Variants in SNX30 observed in about 807,000 individuals in gnomAD.
SNX30 encodes sorting nexin family member 30, also known as sorting nexin-30.
A neutral mutation model predicts 46.4 loss-of-function variants in SNX30; 24 were observed. The ratio of observed to expected loss-of-function variants is 0.52; its 90% CI spans 0.37 to 0.73. The LOEUF is 0.73. Ranked by LOEUF, SNX30 falls within the 30% of genes least tolerant of loss-of-function variation. The pLI, the probability that SNX30 is intolerant of heterozygous loss-of-function variation, is 0.00. For missense variants in SNX30, 533 were observed against 555.7 expected (o/e 0.96, Z 0.41); for synonymous variants, 189 against 211.5 (o/e 0.89, Z 0.92).
chr9:112,755,342 G>A (rs1004554451), intron 1 of SNX30, among the ~76,000 whole-genome samples: 1 of 152,206 alleles, frequency 6.6e-6, no homozygotes, highest in Non-Finnish European at 1.5e-5. Context: ...CAGGGCTGGT[G>A]TGTCGGGGAG....
intron 8 of SNX30, among the ~76,000 whole-genome samples, chr9:112,867,483 C>A (rs1841379732): frequency 6.7e-6 from 1 of 148,932 alleles, no homozygotes; most frequent in Non-Finnish European, 1.5e-5. Flanking sequence ...CCTCAGTATT[C>A]CTCCTCCCTC....
At chr9:112,758,165 T>G (rs1247481434) in intron 1 of SNX30, among the ~76,000 whole-genome samples, 2 of 152,182 alleles carry the variant, frequency 1.3e-5, no homozygotes, top group Non-Finnish European at 2.9e-5. Flanking sequence ...TTCTGGCCCT[T>G]GTTCCAAGGA....
chr9:112,879,465 G>A, downstream of SNX30: 1 of 329,646 alleles, frequency 3.0e-6, no homozygotes, highest in Non-Finnish European at 5.7e-6. Flanking sequence ...CAGGGCCTGG[G>A]ACTGCTGTGT....
intron 1 of SNX30, among the ~76,000 whole-genome samples, chr9:112,795,750 A>G (rs1840095895): frequency 7.9e-6 from 1 of 126,562 alleles, no homozygotes; most frequent in Admixed American, 8.8e-5. Context: ...TCACACACAC[A>G]CACTCACAGT....
Position 112,751,037 on chromosome 9 carries a change from G to A in SNX30, c.36G>A (p.Thr12=). The A allele has an allele frequency of 6.9e-7, 1 of 1,451,858 alleles. No homozygotes were observed. The highest frequency in any genetic ancestry group is 1.3e-5 in the South Asian group (1 of 74,630). The allele number at this position is 1,451,858 out of a possible 1,614,324, so 89.9% of individuals were successfully genotyped here. A position where few individuals can be genotyped will look rare whatever the true frequency, so the allele number is the denominator to read the frequency against. Residue 12 remains threonine (T), a synonymous_variant, in exon 1 of 9, where the codon ACG becomes ACA. Coordinates refer to ENST00000374232, the MANE Select transcript of SNX30 (RefSeq NM_001012994.2). ...AGGPPKALPS[T]GPHSLRDMPH... Reference sequence around the variant, plus strand: ...GGCCCCCCAAGGCCCTGCCGTCCACGGGGCCCCACTCCCTGCGCGACATGC... The same window carrying A: ...GGCCCCCCAAGGCCCTGCCGTCCACAGGGCCCCACTCCCTGCGCGACATGC...
At chr9:112,865,661 A>ATATAATGTGTG in intron 8 of SNX30, among the ~76,000 whole-genome samples, 26 of 105,702 alleles carry the variant, frequency 2.5e-4, no homozygotes, top group African/African-American at 9.5e-4. Flanking sequence ...ATATATATAT[A>ATATAATGTGTG]TGTATGTATG....
chr9:112,759,727 C>CA (rs57320231), intron 1 of SNX30, among the ~76,000 whole-genome samples: 5 of 137,538 alleles, frequency 3.6e-5, no homozygotes, highest in Admixed American at 7.3e-5. Context: ...GACTCCATCT[C>CA]AAAAAAAAAA....
chr9:112,881,691 G>A (rs1014423924), downstream of SNX30: 2 of 152,220 alleles, frequency 1.3e-5, no homozygotes, highest in African/African-American at 4.8e-5. Flanking sequence ...TATATGCTAG[G>A]ATCTGTGCTG....
At chr9:112,863,084 C>T (rs938209498) in intron 7 of SNX30, among the ~76,000 whole-genome samples, 1 of 152,168 alleles carries the variant, frequency 6.6e-6, no homozygotes, top group African/African-American at 2.4e-5. Flanking sequence ...ACCATCTCCA[C>T]GTGGTCTGTG....
Position 112,871,213 on chromosome 9 carries a change from T to C in SNX30, c.*2370T>C, listed in dbSNP as rs1185529864. ...AACTTTATGTCCTCCTGGCATGTTA[T>C]TGATAACAGAGCCAGGAAGTCCAGT... is the stretch of plus-strand genomic sequence containing the variant. On this transcript the variant is annotated 3_prime_UTR_variant, in exon 9 of 9. Coordinates refer to ENST00000374232, the MANE Select transcript of SNX30 (RefSeq NM_001012994.2). The C allele has an allele frequency of 1.3e-5, 2 of 152,204 alleles. No individual in the cohort carries two copies. The highest frequency in any genetic ancestry group is 3.9e-4 in the East Asian group (2 of 5,186). The allele number at this position is 152,204 out of a possible 1,614,324, so 9.4% of individuals were successfully genotyped here. A position where few individuals can be genotyped will look rare whatever the true frequency, so the allele number is the denominator to read the frequency against.
intron 2 of SNX30, 33 bp from the exon 3 acceptor site, chr9:112,817,672 T>G: frequency 7.8e-7 from 1 of 1,284,684 alleles, no homozygotes; most frequent in Non-Finnish European, 1.1e-6. Flanking sequence ...GCTATTCCCT[T>G]ATGCTTATTT....
At chr9:112,781,964 T>A (rs1053503309) in intron 1 of SNX30, among the ~76,000 whole-genome samples, 1 of 152,154 alleles carries the variant, frequency 6.6e-6, no homozygotes, top group Non-Finnish European at 1.5e-5. Context: ...TAAAAGTGAT[T>A]TTTACATTTC....
rs1346835057 is a variant in SNX30, at chr9:112,750,822, A to C, written c.-180A>C. 3.0e-6 allele frequency: 1 copy of C among 337,644 alleles called. No homozygotes were observed. The highest frequency in any genetic ancestry group is 4.2e-6 in the Non-Finnish European group (1 of 238,104). The allele number at this position is 337,644 out of a possible 1,614,324, so 20.9% of individuals were successfully genotyped here. A position where few individuals can be genotyped will look rare whatever the true frequency, so the allele number is the denominator to read the frequency against. On this transcript the variant is annotated 5_prime_UTR_variant, in exon 1 of 9. Transcript: ENST00000374232. ...CGCGGAGCGGGGGCGCGCGGCGCGG[A>C]GCGGAGCGTCTGAGCGCCGGCAGAG...
In SNX30 at chr9:112,850,499, G is replaced by A. The variant is rs151222489; in HGVS notation, c.1015-360G>A. Among the ~76,000 whole-genome samples, 66 of 152,334 alleles carry A rather than the reference G, an allele frequency of 4.3e-4. No individual in the cohort carries two copies. The East Asian group carries it at 0.011, about 24-fold the overall frequency. ...CCAGTGTTGTAGCCTGCAAAGCTCC[G>A]CATTTCTGCACAGCCGGGCTCTGGC... On this transcript the variant is annotated intron_variant, in intron 6 of 8. Coordinates refer to ENST00000374232, the MANE Select transcript of SNX30 (RefSeq NM_001012994.2).
At chr9:112,848,431 C>T (rs937277461) in intron 6 of SNX30, among the ~76,000 whole-genome samples, 1 of 152,036 alleles carries the variant, frequency 6.6e-6, no homozygotes, top group East Asian at 1.9e-4. Context: ...AACACGTTGC[C>T]CAACCTTCAG....
chr9:112,879,657 T>G (rs1049795822), downstream of SNX30: 3 of 1,046,794 alleles, frequency 2.9e-6, no homozygotes, highest in Non-Finnish European at 2.9e-6. Flanking sequence ...GAACGCAGGT[T>G]TCTTAAGCAG....
At chr9:112,814,501 AAAGTG>A in intron 2 of SNX30, among the ~76,000 whole-genome samples, 1 of 152,278 alleles carries the variant, frequency 6.6e-6, no homozygotes, top group African/African-American at 2.4e-5. Flanking sequence ...TCGGCCTCCC[AAAGTG>A]CTAAGATTAT....
At chr9:112,830,931 G>T in intron 4 of SNX30, 48 bp downstream of exon 4, 2 of 1,536,678 alleles carry the variant, frequency 1.3e-6, no homozygotes, top group Non-Finnish European at 1.7e-6. Flanking sequence ...CCATTCTTGG[G>T]GCTCTTTCCT....
At chr9:112,868,293 C>G (rs1421518318) in intron 8 of SNX30, among the ~76,000 whole-genome samples, 1 of 152,206 alleles carries the variant, frequency 6.6e-6, no homozygotes, top group African/African-American at 2.4e-5. Flanking sequence ...GTGGCCCAAA[C>G]AAGCAAACTT....
Sources: allele counts gnomAD v4.1 joint callset (sites outside exome capture counted in the v4.1 genomes callset), GRCh38; gene constraint gnomAD v4.1.1; transcripts MANE v1.5; gene names NCBI Gene and HGNC (gene_info 2026-07-23, HGNC 2026-07-21).